GRID2: variants seen among roughly 807,000 people sequenced by gnomAD.
The protein encoded by GRID2 is glutamate receptor ionotropic, delta-2.
Under a neutral mutation model 114.8 loss-of-function variants are expected in GRID2, and 33 were observed. That is an observed-to-expected ratio of 0.29 (90% CI 0.22 to 0.38). The LOEUF (loss-of-function observed/expected upper bound fraction) is 0.38, where lower values mean the gene tolerates loss of function less well. Ranked by LOEUF, GRID2 falls within the 10% of genes least tolerant of loss-of-function variation. The pLI, the probability that GRID2 is intolerant of heterozygous loss-of-function variation, is 1.00. For synonymous variants in GRID2, 505 were observed against 449.9 expected (o/e 1.12, Z -1.55); for missense variants, 1,184 against 1,257.7 (o/e 0.94, Z 0.89).
intron 1 of GRID2, among the ~76,000 whole-genome samples, chr4:92,360,477 T>G (rs1047634041): frequency 2.0e-5 from 3 of 151,922 alleles, no homozygotes; most frequent in African/African-American, 7.3e-5. Flanking sequence ...TGCCAGATTC[T>G]AGACATAGAA....
chr4:92,906,011 ATG>A (rs1008724391), intron 2 of GRID2, among the ~76,000 whole-genome samples: 26 of 152,166 alleles, frequency 1.7e-4, no homozygotes, highest in African/African-American at 6.0e-4. Flanking sequence ...GGGGTAGAAA[ATG>A]TGAATAAAAA....
chr4:92,769,573 T>C (rs1578167620), intron 2 of GRID2, among the ~76,000 whole-genome samples: 1 of 152,162 alleles, frequency 6.6e-6, no homozygotes, highest in Non-Finnish European at 1.5e-5. Context: ...CAGCAAACTT[T>C]TGCCTGGACA....
At chr4:93,196,682 A>G (rs1189074601) in intron 4 of GRID2, among the ~76,000 whole-genome samples, 1 of 152,186 alleles carries the variant, frequency 6.6e-6, no homozygotes. Flanking sequence ...GTAGTAGACT[A>G]ATTAACTGTC....
At chr4:93,121,031 C>T (rs1437645063) in intron 4 of GRID2, among the ~76,000 whole-genome samples, 1 of 152,006 alleles carries the variant, frequency 6.6e-6, no homozygotes, top group Non-Finnish European at 1.5e-5. Context: ...ACCACCATGG[C>T]ACATATATAC....
At chr4:93,177,678 G>A (rs1739473330) in intron 4 of GRID2, among the ~76,000 whole-genome samples, 1 of 152,052 alleles carries the variant, frequency 6.6e-6, no homozygotes, top group Non-Finnish European at 1.5e-5. Flanking sequence ...CATATTTTAT[G>A]CCAACCAGCA....
chr4:93,182,635 T>G (rs1314537225), intron 4 of GRID2, among the ~76,000 whole-genome samples: 1 of 152,254 alleles, frequency 6.6e-6, no homozygotes, highest in Non-Finnish European at 1.5e-5. Context: ...CAAGTTTCCT[T>G]ATTGTTCTGA....
At chr4:93,500,088 C>G (rs1241046669) in intron 12 of GRID2, among the ~76,000 whole-genome samples, 1 of 151,990 alleles carries the variant, frequency 6.6e-6, no homozygotes, top group Admixed American at 6.6e-5. Context: ...GTATGTTTAG[C>G]TAAGTTACTT....
intron 14 of GRID2, among the ~76,000 whole-genome samples, chr4:93,682,936 A>AT (rs1725719185): frequency 1.3e-5 from 2 of 148,534 alleles, no homozygotes; most frequent in East Asian, 2.0e-4. Context: ...TATAATAATA[A>AT]TAAAAAAAAA....
chr4:92,436,337 T>A (rs182030082), intron 1 of GRID2, among the ~76,000 whole-genome samples: 2 of 152,216 alleles, frequency 1.3e-5, no homozygotes, highest in Admixed American at 1.3e-4. Flanking sequence ...GAATTAAAAA[T>A]TTCTCAAAAT....
intron 2 of GRID2, among the ~76,000 whole-genome samples, chr4:92,737,203 T>A (rs1736639650): frequency 6.6e-6 from 1 of 152,052 alleles, no homozygotes; most frequent in Non-Finnish European, 1.5e-5. Context: ...AAATCCTCAT[T>A]GTAAAAGGGT....
chr4:92,444,585 A>T (rs984227454), intron 1 of GRID2, among the ~76,000 whole-genome samples: 1 of 152,176 alleles, frequency 6.6e-6, no homozygotes, highest in Non-Finnish European at 1.5e-5. Flanking sequence ...CAGTTACTTT[A>T]GGCCATCTGG....
chr4:93,151,549 A>T (rs563747856), intron 4 of GRID2, among the ~76,000 whole-genome samples: 2 of 152,106 alleles, frequency 1.3e-5, no homozygotes, highest in South Asian at 4.1e-4. Flanking sequence ...GGTAACAAAA[A>T]ATAGATTAAA....
intron 1 of GRID2, among the ~76,000 whole-genome samples, chr4:92,528,264 C>T (rs1457940719): frequency 6.7e-6 from 1 of 149,236 alleles, no homozygotes; most frequent in African/African-American, 2.5e-5. Context: ...ACCATTCTTA[C>T]TTGGGTTATG....
At chr4:93,208,495 C>T (rs1398908041) in intron 5 of GRID2, among the ~76,000 whole-genome samples, 1 of 151,932 alleles carries the variant, frequency 6.6e-6, no homozygotes, top group Non-Finnish European at 1.5e-5. Flanking sequence ...CGTTAAAATT[C>T]AGAGATCATT....
At chr4:93,117,380 A>G (rs1019911616) in intron 4 of GRID2, among the ~76,000 whole-genome samples, 3 of 152,080 alleles carry the variant, frequency 2.0e-5, no homozygotes, top group Admixed American at 6.6e-5. Flanking sequence ...AACATTTTGC[A>G]TGTGACAGCA....
At chr4:92,398,343 C>G (rs1475305061) in intron 1 of GRID2, among the ~76,000 whole-genome samples, 2 of 152,062 alleles carry the variant, frequency 1.3e-5, no homozygotes, top group Admixed American at 1.3e-4. Context: ...ACCTGTTGCC[C>G]AGACTGGAGT....
chr4:93,380,421 A>G (rs1313779262), intron 8 of GRID2, among the ~76,000 whole-genome samples: 1 of 151,280 alleles, frequency 6.6e-6, no homozygotes, highest in Non-Finnish European at 1.5e-5. Flanking sequence ...TTGATGTTTA[A>G]GCAGATGACT....
chr4:92,418,239 A>C (rs577967143), intron 1 of GRID2, among the ~76,000 whole-genome samples: 1 of 152,236 alleles, frequency 6.6e-6, no homozygotes, highest in Admixed American at 6.5e-5. Flanking sequence ...CCCACACTCT[A>C]TGGCTGGAAT....
intron 2 of GRID2, among the ~76,000 whole-genome samples, chr4:93,071,474 T>C (rs1728799158): frequency 1.3e-5 from 2 of 152,238 alleles, no homozygotes; most frequent in African/African-American, 2.4e-5. Context: ...GAAATAGATA[T>C]ATAAAATACA....
Sources: allele counts gnomAD v4.1 joint callset (sites outside exome capture counted in the v4.1 genomes callset), GRCh38; gene constraint gnomAD v4.1.1; transcripts MANE v1.5; gene names NCBI Gene and HGNC (gene_info 2026-07-23, HGNC 2026-07-21).